Variants in PIGM observed in about 807,000 individuals in gnomAD.
PIGM encodes phosphatidylinositol glycan anchor biosynthesis class M, also known as GPI alpha-1,4-mannosyltransferase I, catalytic subunit.
PIGM carries 7 observed loss-of-function variants against 14.6 expected under a neutral mutation model. The ratio of observed to expected loss-of-function variants is 0.48; its 90% CI spans 0.27 to 0.90. The LOEUF is 0.90. Among genes scored for constraint, PIGM ranks in the 40% least tolerant of loss-of-function variants. PIGM has a pLI of 0.12. For missense variants in PIGM, 506 were observed against 516.2 expected (o/e 0.98, Z 0.19); for synonymous variants, 216 against 215.9 (o/e 1.00, Z 0.00).
chr1:160,031,029 C>A lies in PIGM; in HGVS notation c.711G>T (p.Thr237=), dbSNP rs756728442. Residue 237 remains threonine (T), a synonymous_variant, in exon 1 of 1, where the codon ACG becomes ACT. Coordinates refer to ENST00000368090, the MANE Select transcript of PIGM (RefSeq NM_145167.3). ...AAAAACCAAAGCTCAGGGCAAAAAACGTGAGTCCAGCAACTGCTACAAACA... is the reference window on the plus strand; with the variant it reads ...AAAAACCAAAGCTCAGGGCAAAAAAAGTGAGTCCAGCAACTGCTACAAACA... The part of the protein sequence containing the change: ...VLLFVAVAGL[T]FFALSFGFYY... The A allele has an allele frequency of 6.2e-7, 1 of 1,614,080 alleles. No homozygotes were observed. The highest frequency in any genetic ancestry group is 8.5e-7 in the Non-Finnish European group (1 of 1,180,014).
In PIGM at chr1:160,031,840, A is replaced by C. The variant is rs1571261225; in HGVS notation, c.-101T>G. ...GCAGCAGGTGGCCGCCGCATCTCCC[A>C]CCCGCCAGGCTGCCAACCGAAACGA... On this transcript the variant is annotated 5_prime_UTR_variant, in exon 1 of 1. Transcript: ENST00000368090. The C allele has an allele frequency of 3.9e-5, 53 of 1,373,006 alleles. No individual in the cohort carries two copies. Among genetic ancestry groups the C allele is most frequent in the African/African-American group, 7.2e-5 (5 of 69,268 alleles). 85.1% of individuals were successfully genotyped at this position (1,373,006 alleles called of 1,614,324 possible).
rs993515655 is a variant in PIGM, at chr1:160,028,048, G to A, written c.*2420C>T. The A allele has an allele frequency of 2.0e-5, 3 of 152,048 alleles. No individual in the cohort carries two copies. Among genetic ancestry groups the A allele is most frequent in the Non-Finnish European group, 4.4e-5 (3 of 68,014 alleles). The allele number at this position is 152,048 out of a possible 1,614,324, so 9.4% of individuals were successfully genotyped here. On this transcript the variant is annotated 3_prime_UTR_variant, in exon 1 of 1. Transcript: ENST00000368090. Reference sequence around the variant, plus strand: ...AGTCTTATTTAGAATATTAAAAACTGGAAGCAATCTAAAGGTCTAACAGTG... The same window carrying A: ...AGTCTTATTTAGAATATTAAAAACTAGAAGCAATCTAAAGGTCTAACAGTG...
rs1234723946 is a variant in PIGM, at chr1:160,026,379, C to G, written c.*4089G>C. The G allele has an allele frequency of 6.6e-6, 1 of 151,976 alleles. No individual in the cohort carries two copies. The highest frequency in any genetic ancestry group is 1.5e-5 in the Non-Finnish European group (1 of 67,974). 9.4% of individuals were successfully genotyped at this position (151,976 alleles called of 1,614,324 possible). A position where few individuals can be genotyped will look rare whatever the true frequency, so the allele number is the denominator to read the frequency against. The stretch of plus-strand genomic sequence containing the variant: ...GAATTATGGTTTTGTAAGAAAATAC[C>G]TGATTTTTAGGAGATGCATGCTGAT... On this transcript the variant is annotated 3_prime_UTR_variant, in exon 1 of 1. Transcript: ENST00000368090.
chr1:160,031,763 T>G lies in PIGM; in HGVS notation c.-24A>C. On this transcript the variant is annotated 5_prime_UTR_variant, in exon 1 of 1. Transcript: ENST00000368090. ...ATGATCTGACCGTGCGACAGCTGCTTAGCCCCAGCTCCAAACTGCCTTCGT... is the reference window on the plus strand; with the variant it reads ...ATGATCTGACCGTGCGACAGCTGCTGAGCCCCAGCTCCAAACTGCCTTCGT... 6.2e-7 allele frequency: 1 copy of G among 1,613,678 alleles called. No homozygotes were observed. The highest frequency in any genetic ancestry group is 8.5e-7 in the Non-Finnish European group (1 of 1,179,926).
rs373710821 is a variant in PIGM, at chr1:160,031,362, G to T, written c.378C>A (p.Gly126=). The change falls in exon 1 of 1, where the codon GGC becomes GGA. Residue 126 remains glycine (G), a synonymous_variant. Transcript: ENST00000368090. The part of the protein sequence containing the change: ...LKGLGRRQAC[G]YCVFWLLNPL... ...GGTTAAGAAGCCAAAAGACACAGTA[G>T]CCACAAGCCTGGCGGCGCCCCAGCC... 8 of 1,607,410 alleles carry T rather than the reference G, an allele frequency of 5.0e-6. No homozygotes were observed. In the East Asian group the frequency reaches 1.8e-4, roughly 36 times the overall value.
rs1011425366 is a variant in PIGM at position 160,029,251 on chromosome 1, A to G, written c.*1217T>C. 6.6e-6 allele frequency: 1 copy of G among 152,158 alleles called. No homozygotes were observed. Among genetic ancestry groups the G allele is most frequent in the African/African-American group, 2.4e-5 (1 of 41,428 alleles). 9.4% of individuals were successfully genotyped at this position (152,158 alleles called of 1,614,324 possible). ...GATAGTTTTAAAAATGTAATAACTC[A>G]AGTCTAAACATGAATGAATTTAAAT... On this transcript the variant is annotated 3_prime_UTR_variant, in exon 1 of 1. Coordinates refer to ENST00000368090, the MANE Select transcript of PIGM (RefSeq NM_145167.3).
In PIGM at chr1:160,030,873, G is replaced by A. The variant is rs776974327; in HGVS notation, c.867C>T (p.Ser289=). ...YLTAESKWSF[S]LGIAAFLPQL... Reference sequence around the variant, plus strand: ...GTGGCAGGAATGCAGCAATTCCCAGGGAAAAACTCCACTTGCTCTCTGCAG... The same window carrying A: ...GTGGCAGGAATGCAGCAATTCCCAGAGAAAAACTCCACTTGCTCTCTGCAG... Residue 289 remains serine, a synonymous_variant, in exon 1 of 1, where the codon TCC becomes TCT. Transcript: ENST00000368090. The A allele has an allele frequency of 3.1e-6, 5 of 1,614,108 alleles. No individual in the cohort carries two copies. Among genetic ancestry groups the A allele is most frequent in the Admixed American group, 3.3e-5 (2 of 60,010 alleles).
In PIGM at chr1:160,030,102, C is replaced by A. The variant is rs1571259838; in HGVS notation, c.*366G>T. ...AAGATGGGTGTTAAAAGTTAAGACA[C>A]AGCTTAAGACAGAAGCATTGTAAAA... On this transcript the variant is annotated 3_prime_UTR_variant, in exon 1 of 1. Coordinates refer to ENST00000368090, the MANE Select transcript of PIGM (RefSeq NM_145167.3). 1 of 218,580 alleles carries A rather than the reference C, an allele frequency of 4.6e-6. No individual in the cohort carries two copies. 13.5% of individuals were successfully genotyped at this position (218,580 alleles called of 1,614,324 possible). A position where few individuals can be genotyped will look rare whatever the true frequency, so the allele number is the denominator to read the frequency against.
Position 160,030,414 on chromosome 1 carries a change from G to A in PIGM, c.*54C>T. On this transcript the variant is annotated 3_prime_UTR_variant, in exon 1 of 1. Coordinates refer to ENST00000368090, the MANE Select transcript of PIGM (RefSeq NM_145167.3). The stretch of plus-strand genomic sequence containing the variant: ...AAAAATGTCCCAAAGCTCTCTTCTG[G>A]TCCATACAAGACAATCAGAATGTAA... The A allele has an allele frequency of 6.5e-7, 1 of 1,531,714 alleles. No individual in the cohort carries two copies. The highest frequency in any genetic ancestry group is 1.7e-5 in the Admixed American group (1 of 59,882). 94.9% of individuals were successfully genotyped at this position (1,531,714 alleles called of 1,614,324 possible).
In PIGM at chr1:160,025,339, G is replaced by A. The variant is rs1461761757; in HGVS notation, c.*5129C>T. The A allele has an allele frequency of 6.6e-5, 10 of 152,200 alleles. No homozygotes were observed. Among genetic ancestry groups the A allele is most frequent in the Non-Finnish European group, 1.5e-5 (1 of 68,034 alleles). 9.4% of individuals were successfully genotyped at this position (152,200 alleles called of 1,614,324 possible). On this transcript the variant is annotated 3_prime_UTR_variant, in exon 1 of 1. Coordinates refer to ENST00000368090, the MANE Select transcript of PIGM (RefSeq NM_145167.3). The stretch of plus-strand genomic sequence containing the variant: ...TATTCTCTGATGCCGTACTATCAAT[G>A]CAGTACAATTTTTAACTGCATGAAT...
At position 160,031,948 on chromosome 1, in the gene PIGM, G is replaced by A. The variant is rs573624118; in HGVS notation, c.-209C>T. 5.0e-4 allele frequency: 344 copies of A among 687,634 alleles called. 3 individuals are homozygous for A. Among genetic ancestry groups the A allele is most frequent in the South Asian group, 2.5e-3 (148 of 59,334 alleles). The allele number at this position is 687,634 out of a possible 1,614,324, so 42.6% of individuals were successfully genotyped here. A position where few individuals can be genotyped will look rare whatever the true frequency, so the allele number is the denominator to read the frequency against. Reference sequence around the variant, plus strand: ...CCCCGCGCGGTCTTCTCAGCCGCCCGAGCCAAAAACTTGCCTTCCTCTGGA... The same window carrying A: ...CCCCGCGCGGTCTTCTCAGCCGCCCAAGCCAAAAACTTGCCTTCCTCTGGA... On this transcript the variant is annotated 5_prime_UTR_variant, in exon 1 of 1. Coordinates refer to ENST00000368090, the MANE Select transcript of PIGM (RefSeq NM_145167.3).
Position 160,031,148 on chromosome 1 carries a change from G to C in PIGM, c.592C>G (p.Arg198Gly). 6.2e-7 allele frequency: 1 copy of C among 1,613,980 alleles called. No individual in the cohort carries two copies. Among genetic ancestry groups the C allele is most frequent in the Non-Finnish European group, 8.5e-7 (1 of 1,179,904 alleles). Residue 198 changes from arginine (R) to glycine (G), a missense_variant, in exon 1 of 1, where the codon CGC becomes GGC. Transcript: ENST00000368090. Reference sequence around the variant, plus strand: ...TGACGGAGGCTTTTGTCATTGTCGCGATCTGGAAGCAGGTGGAGGGTTATG... The same window carrying C: ...TGACGGAGGCTTTTGTCATTGTCGCCATCTGGAAGCAGGTGGAGGGTTATG... ...LPITLHLLPD[R>G]DNDKSLRQFR...
rs1267282682 is a variant in PIGM at position 160,030,149 on chromosome 1, AC to A, written c.*318del. 2 of 321,970 alleles carry A rather than the reference AC, an allele frequency of 6.2e-6. No homozygotes were observed. Among genetic ancestry groups the A allele is most frequent in the African/African-American group, 2.1e-5 (1 of 46,678 alleles). 19.9% of individuals were successfully genotyped at this position (321,970 alleles called of 1,614,324 possible). A position where few individuals can be genotyped will look rare whatever the true frequency, so the allele number is the denominator to read the frequency against. On this transcript the variant is annotated 3_prime_UTR_variant, in exon 1 of 1. Coordinates refer to ENST00000368090, the MANE Select transcript of PIGM (RefSeq NM_145167.3). Reference sequence around the variant, plus strand: ...AAAACAGGAACAAATACTGGCTTAAACCTGATGTCTCTAACTATATTCCTCT... The same window carrying A: ...AAAACAGGAACAAATACTGGCTTAAACTGATGTCTCTAACTATATTCCTCT...
chr1:160,031,548 C>G lies in PIGM; in HGVS notation c.192G>C (p.Glu64Asp). Residue 64 changes from glutamate to aspartate, a missense_variant, in exon 1 of 1, where the codon GAG becomes GAC. Physicochemically the swap from Glu to Asp is conservative, Grantham distance 45 (BLOSUM62 2). Coordinates refer to ENST00000368090, the MANE Select transcript of PIGM (RefSeq NM_145167.3). ...TGGCTCTCAGGTAAGGCGAGCGCCC[C>G]TCCGTGACGAAGCGCGCGGCGTCGG... is the stretch of plus-strand genomic sequence containing the variant. The part of the protein sequence containing the change: ...VFTDAARFVT[E>D]GRSPYLRATY... 1 of 1,614,204 alleles carries G rather than the reference C, an allele frequency of 6.2e-7. No individual in the cohort carries two copies. The highest frequency in any genetic ancestry group is 8.5e-7 in the Non-Finnish European group (1 of 1,180,032).
At position 160,030,446 on chromosome 1, in the gene PIGM, A is replaced by T; in HGVS notation, c.*22T>A. On this transcript the variant is annotated 3_prime_UTR_variant, in exon 1 of 1. Transcript: ENST00000368090. The stretch of plus-strand genomic sequence containing the variant: ...CAAGACAATCAGAATGTAACACAGT[A>T]GCAGAGGGTGTGGAACATACACTAG... The T allele has an allele frequency of 6.3e-7, 1 of 1,590,872 alleles. No homozygotes were observed. Among genetic ancestry groups the T allele is most frequent in the South Asian group, 1.1e-5 (1 of 90,204 alleles).
At position 160,029,651 on chromosome 1, in the gene PIGM, T is replaced by A. The variant is rs1171351690; in HGVS notation, c.*817A>T. The A allele has an allele frequency of 6.6e-6, 1 of 151,910 alleles. No homozygotes were observed. Among genetic ancestry groups the A allele is most frequent in the Non-Finnish European group, 1.5e-5 (1 of 68,028 alleles). The allele number at this position is 151,910 out of a possible 1,614,324, so 9.4% of individuals were successfully genotyped here. A position where few individuals can be genotyped will look rare whatever the true frequency, so the allele number is the denominator to read the frequency against. Reference sequence around the variant, plus strand: ...ACCTCGTGATCTGCCCGCCTTGGCCTCCCAAAGTCTTTGGATTATCTTGTA... The same window carrying A: ...ACCTCGTGATCTGCCCGCCTTGGCCACCCAAAGTCTTTGGATTATCTTGTA... On this transcript the variant is annotated 3_prime_UTR_variant, in exon 1 of 1. Transcript: ENST00000368090.
rs989060662 is a variant in PIGM at position 160,030,244 on chromosome 1, C to T, written c.*224G>A. The T allele has an allele frequency of 2.7e-4, 133 of 499,150 alleles. No homozygotes were observed. Among genetic ancestry groups the T allele is most frequent in the Non-Finnish European group, 4.3e-4 (117 of 274,664 alleles). 30.9% of individuals were successfully genotyped at this position (499,150 alleles called of 1,614,324 possible). On this transcript the variant is annotated 3_prime_UTR_variant, in exon 1 of 1. Transcript: ENST00000368090. Reference sequence around the variant, plus strand: ...CATTTTCCAATATGTGACCTTTATTCCCACCATGTCCCAAATAAACGAGTC... The same window carrying T: ...CATTTTCCAATATGTGACCTTTATTTCCACCATGTCCCAAATAAACGAGTC...
At position 160,025,683 on chromosome 1, in the gene PIGM, C is replaced by A. The variant is rs575446392; in HGVS notation, c.*4785G>T. ...AAAGATTAGAAGGACAATTGATTGG[C>A]AAGAGACACTTGACAGAGCCAGTAT... On this transcript the variant is annotated 3_prime_UTR_variant, in exon 1 of 1. Transcript: ENST00000368090. 2 of 152,230 alleles carry A rather than the reference C, an allele frequency of 1.3e-5. No homozygotes were observed. Among genetic ancestry groups the A allele is most frequent in the African/African-American group, 4.8e-5 (2 of 41,540 alleles). The allele number at this position is 152,230 out of a possible 1,614,324, so 9.4% of individuals were successfully genotyped here.
rs574908930 is a variant in PIGM at position 160,029,282 on chromosome 1, C to T, written c.*1186G>A. 6.6e-6 allele frequency: 1 copy of T among 151,946 alleles called. No individual in the cohort carries two copies. The highest frequency in any genetic ancestry group is 1.9e-4 in the East Asian group (1 of 5,186). The allele number at this position is 151,946 out of a possible 1,614,324, so 9.4% of individuals were successfully genotyped here. ...AAACATGAATGAATTTAAATTTAAT[C>T]CTTTTTGTATGAAACCAAATAGCAG... On this transcript the variant is annotated 3_prime_UTR_variant, in exon 1 of 1. Coordinates refer to ENST00000368090, the MANE Select transcript of PIGM (RefSeq NM_145167.3).
Sources: allele counts gnomAD v4.1 joint callset, GRCh38; gene constraint gnomAD v4.1.1; transcripts MANE v1.5; gene names NCBI Gene and HGNC (gene_info 2026-07-23, HGNC 2026-07-21).